Variants in PAAF1 observed in about 807,000 individuals in gnomAD.
PAAF1 encodes the protein proteasomal ATPase-associated factor 1.
A neutral mutation model predicts 52.8 loss-of-function variants in PAAF1; 46 were observed. That is an observed-to-expected ratio of 0.87 (90% CI 0.69 to 1.11). PAAF1 has a LOEUF of 1.11. PAAF1 is among the 50% of genes most tolerant of loss of function. PAAF1 has a pLI of 0.00. For synonymous variants in PAAF1, 178 were observed against 172.8 expected (o/e 1.03, Z -0.24); for missense variants, 424 against 477.4 (o/e 0.89, Z 1.04).
At chr11:73,903,944 T>C (rs1949692265) in intron 6 of PAAF1, among the ~76,000 whole-genome samples, 1 of 151,118 alleles carries the variant, frequency 6.6e-6, no homozygotes, top group South Asian at 2.1e-4. Flanking sequence ...ATTAGCCAGG[T>C]GTAGTGGTGT....
At chr11:73,876,768 G>A (rs1280796930), upstream of PAAF1, 1 of 371,230 alleles carries the variant, frequency 2.7e-6, no homozygotes. Flanking sequence ...GAACAGGTGG[G>A]AGAAGAGGGC....
chr11:73,877,344 A>G, intron 1 of PAAF1: 1 of 319,422 alleles, frequency 3.1e-6, no homozygotes, highest in Non-Finnish European at 5.7e-6. Flanking sequence ...GGAGGCAGGA[A>G]GGCTTTTGGC....
At chr11:73,916,208 T>C (rs778761868) in intron 8 of PAAF1, among the ~76,000 whole-genome samples, 2 of 152,168 alleles carry the variant, frequency 1.3e-5, no homozygotes, top group Non-Finnish European at 2.9e-5. Context: ...ATTGCAAGTG[T>C]TTCTCAGAAA....
intron 7 of PAAF1, among the ~76,000 whole-genome samples, chr11:73,913,673 A>G (rs1210186540): frequency 6.6e-6 from 1 of 150,846 alleles, no homozygotes; most frequent in Non-Finnish European, 1.5e-5. Flanking sequence ...GTGTGATGTC[A>G]TCACATAGAA....
At chr11:73,881,530 C>T (rs1208790516) in intron 2 of PAAF1, among the ~76,000 whole-genome samples, 4 of 152,128 alleles carry the variant, frequency 2.6e-5, no homozygotes, top group African/African-American at 4.8e-5. Context: ...TCAAGTGATC[C>T]GCCCGCCTTG....
chr11:73,914,624 G>T, intron 8 of PAAF1, 120 bp downstream of exon 8: 1 of 704,738 alleles, frequency 1.4e-6, no homozygotes, highest in East Asian at 2.9e-5. Flanking sequence ...AAGGCTGCGT[G>T]AGTAAGAGGC....
intron 4 of PAAF1, among the ~76,000 whole-genome samples, chr11:73,898,065 T>C (rs1298825221): frequency 6.6e-6 from 1 of 151,978 alleles, no homozygotes; most frequent in East Asian, 1.9e-4. Context: ...CGCCTGCAAT[T>C]GCAGGCACTC....
intron 8 of PAAF1, 74 bp downstream of exon 8, chr11:73,914,578 A>G: frequency 7.9e-7 from 1 of 1,261,390 alleles, no homozygotes; most frequent in Admixed American, 1.8e-5. Context: ...GCTATTTTGG[A>G]AACATTTCTA....
intron 1 of PAAF1, 36 bp downstream of exon 1, chr11:73,877,104 G>A: frequency 1.3e-6 from 2 of 1,497,398 alleles, no homozygotes; most frequent in Non-Finnish European, 8.9e-7. Flanking sequence ...AGAGGAGGCG[G>A]GTAGTGGATG....
intron 8 of PAAF1, 117 bp downstream of exon 8, chr11:73,914,621 C>T (rs921578942): frequency 1.8e-5 from 13 of 732,040 alleles, no homozygotes; most frequent in Middle Eastern, 2.4e-4. Flanking sequence ...GAGAAGGCTG[C>T]GTGAGTAAGA....
chr11:73,928,552 CTTTTT>C lies in PAAF1; in HGVS notation c.*1192_*1196del, dbSNP rs1442620079. 3.3e-5 allele frequency: 5 copies of C among 152,130 alleles called. No individual in the cohort carries two copies. 9.4% of individuals were successfully genotyped at this position (152,130 alleles called of 1,614,324 possible). A position where few individuals can be genotyped will look rare whatever the true frequency, so the allele number is the denominator to read the frequency against. ...TCAGTACATGTAGACGTTCCTCATT[CTTTTT>C]TAACAATGTCCAGAATATGGATACC... On this transcript the variant is annotated 3_prime_UTR_variant, in exon 12 of 12. Transcript: ENST00000310571.
At chr11:73,889,364 A>C in intron 3 of PAAF1, 1 of 557,638 alleles carries the variant, frequency 1.8e-6, no homozygotes, top group Non-Finnish European at 2.7e-6. Flanking sequence ...TAAATGTCTA[A>C]CCCTGGAGCA....
At chr11:73,913,555 T>C (rs1030234318) in intron 7 of PAAF1, among the ~76,000 whole-genome samples, 1 of 152,214 alleles carries the variant, frequency 6.6e-6, no homozygotes, top group African/African-American at 2.4e-5. Context: ...TTAGAACTCA[T>C]CACTTTCTGA....
chr11:73,907,194 G>A (rs1465896963), intron 6 of PAAF1, among the ~76,000 whole-genome samples: 1 of 152,028 alleles, frequency 6.6e-6, no homozygotes, highest in African/African-American at 2.4e-5. Flanking sequence ...ATAATAAAGG[G>A]CTTCAAAAAC....
intron 10 of PAAF1, among the ~76,000 whole-genome samples, chr11:73,922,587 G>A (rs1418542409): frequency 6.6e-6 from 1 of 152,074 alleles, no homozygotes; most frequent in Admixed American, 6.6e-5. Flanking sequence ...GGAGGCCGAG[G>A]CGGGCGGATC....
chr11:73,882,520 C>T (rs1002566025), intron 2 of PAAF1, among the ~76,000 whole-genome samples: 1 of 151,768 alleles, frequency 6.6e-6, no homozygotes, highest in Non-Finnish European at 1.5e-5. Context: ...GATCTCCGCT[C>T]ACTGCAACCT....
At position 73,912,783 on chromosome 11, in the gene PAAF1, T is replaced by C. The variant is rs547903700; in HGVS notation, c.728-1630T>C. Among the ~76,000 whole-genome samples the C allele has an allele frequency of 3.3e-5, 5 of 152,332 alleles. No individual in the cohort carries two copies. The South Asian group carries it at 6.2e-4, about 19-fold the overall frequency. On this transcript the variant is annotated intron_variant, in intron 7 of 11. Coordinates refer to ENST00000310571, the MANE Select transcript of PAAF1 (RefSeq NM_025155.3). Reference sequence around the variant, plus strand: ...ACCCCTACACTTCTCTCCAGTCTCATGTCATACCACCCTCTGCCATGTTCA... The same window carrying C: ...ACCCCTACACTTCTCTCCAGTCTCACGTCATACCACCCTCTGCCATGTTCA...
At chr11:73,892,902 C>T (rs746840324) in intron 4 of PAAF1, among the ~76,000 whole-genome samples, 21 of 152,082 alleles carry the variant, frequency 1.4e-4, no homozygotes, top group Non-Finnish European at 2.6e-4. Context: ...CCTTGTGATC[C>T]GCCCACCTCG....
intron 10 of PAAF1, 96 bp from the exon 11 acceptor site, chr11:73,924,519 A>T: frequency 1.0e-6 from 1 of 995,880 alleles, no homozygotes; most frequent in Non-Finnish European, 1.5e-6. Flanking sequence ...CATCTTCTTT[A>T]CACTAGTGAT....
Sources: gnomAD v4.1 joint callset for allele counts (sites outside exome capture counted in the v4.1 genomes callset) on GRCh38, gnomAD v4.1.1 for gene constraint, MANE v1.5 for transcripts, NCBI Gene and HGNC (gene_info 2026-07-23, HGNC 2026-07-21) for gene names.